The following LHCGR variants were observed in gnomAD, a reference collection of about 807,000 sequenced individuals.
LHCGR encodes lutropin-choriogonadotropic hormone receptor.
LHCGR carries 55 observed loss-of-function variants against 60.7 expected under a neutral mutation model. The ratio of observed to expected loss-of-function variants is 0.91; its 90% confidence interval spans 0.73 to 1.13. The LOEUF (loss-of-function observed/expected upper bound fraction) is 1.13. LHCGR is among the 50% of genes most tolerant of loss of function. The pLI, the probability that LHCGR is intolerant of heterozygous loss-of-function variation, is 0.00. For missense variants in LHCGR, 862 were observed against 836.0 expected (o/e 1.03, Z -0.38); for synonymous variants, 337 against 316.5 (o/e 1.06, Z -0.69).
rs532898776 is a variant in LHCGR at position 48,740,948 on chromosome 2, A to T, written c.162-9650T>A. On this transcript the variant is annotated intron_variant, in intron 1 of 10. Coordinates refer to ENST00000294954, the MANE Select transcript of LHCGR (RefSeq NM_000233.4). ...AAAGAAGTTGAAAACTTTGAAAAAA[A>T]TTTAGAAGAATGTATAACTAGAATA... 1.1e-4 allele frequency among the ~76,000 whole-genome samples: 17 copies of T among 152,292 alleles called. No homozygotes were observed. The South Asian group carries it at 3.5e-3, about 32-fold the overall frequency.
chr2:48,729,175 T>C lies in LHCGR; in HGVS notation c.286A>G (p.Asn96Asp). The change falls in exon 3 of 11, where the codon AAC (asparagine) becomes GAC (aspartate). Residue 96 changes from asparagine to aspartate, a missense_variant. Physicochemically the swap from Asn to Asp is conservative, Grantham distance 23. Coordinates refer to ENST00000294954, the MANE Select transcript of LHCGR (RefSeq NM_000233.4). ...LERIEANAFD[N>D]LLNLSEILIQ... ...TACATTTCAGACAAATTGAGGAGGTTGTCAAAGGCATTAGCTTCTATCCTT... is the reference window on the plus strand; with the variant it reads ...TACATTTCAGACAAATTGAGGAGGTCGTCAAAGGCATTAGCTTCTATCCTT... 1 of 1,611,992 alleles carries C rather than the reference T, an allele frequency of 6.2e-7. No homozygotes were observed. The highest frequency in any genetic ancestry group is 8.5e-7 in the Non-Finnish European group (1 of 1,178,604).
chr2:48,689,083 A>G (rs573319238), intron 10 of LHCGR, among the ~76,000 whole-genome samples: 2 of 151,888 alleles, frequency 1.3e-5, no homozygotes, highest in East Asian at 3.9e-4. Context: ...ACACATATAT[A>G]CACACATATA....
chr2:48,729,929 A>T (rs1177876713), intron 2 of LHCGR, among the ~76,000 whole-genome samples: 1 of 152,250 alleles, frequency 6.6e-6, no homozygotes, highest in Admixed American at 6.5e-5. Flanking sequence ...TGAATGCAGT[A>T]GTGAATAATT....
chr2:48,712,435 A>G (rs1025569850), intron 7 of LHCGR, among the ~76,000 whole-genome samples: 1 of 152,194 alleles, frequency 6.6e-6, no homozygotes, highest in Admixed American at 6.5e-5. Flanking sequence ...AGGAGATGAT[A>G]TAAATGCCTC....
At chr2:48,730,474 A>G (rs1243126245) in intron 2 of LHCGR, among the ~76,000 whole-genome samples, 1 of 152,200 alleles carries the variant, frequency 6.6e-6, no homozygotes, top group South Asian at 2.1e-4. Context: ...GAGGTTCCCA[A>G]AGGAGCTAAG....
intron 8 of LHCGR, among the ~76,000 whole-genome samples, chr2:48,704,226 C>G (rs1049536763): frequency 6.6e-5 from 10 of 152,086 alleles, no homozygotes; most frequent in African/African-American, 2.2e-4. Flanking sequence ...GCGTTGCATC[C>G]CAGGGATGAA....
intron 1 of LHCGR, among the ~76,000 whole-genome samples, chr2:48,749,580 A>T (rs758290132): frequency 6.6e-6 from 1 of 152,038 alleles, no homozygotes; most frequent in Non-Finnish European, 1.5e-5. Context: ...ACTCTGGGAG[A>T]TTATATTTTG....
chr2:48,723,018 A>C (rs1244460823), intron 6 of LHCGR, among the ~76,000 whole-genome samples: 1 of 152,164 alleles, frequency 6.6e-6, no homozygotes, highest in Non-Finnish European at 1.5e-5. Flanking sequence ...GGAAGGCGAA[A>C]ATGAGAGAGA....
At chr2:48,701,507 C>T (rs888539914) in intron 8 of LHCGR, among the ~76,000 whole-genome samples, 6 of 152,144 alleles carry the variant, frequency 3.9e-5, no homozygotes, top group Admixed American at 6.5e-5. Context: ...CAGATAATCA[C>T]GTAACTTGCT....
At chr2:48,729,020 C>T in intron 3 of LHCGR, 133 bp downstream of exon 3, 2 of 791,282 alleles carry the variant, frequency 2.5e-6, no homozygotes, top group South Asian at 1.4e-5. Flanking sequence ...AGTGCCTGCC[C>T]AGACCTAGTA....
intron 1 of LHCGR, among the ~76,000 whole-genome samples, chr2:48,747,421 C>T (rs991164090): frequency 6.6e-6 from 1 of 152,140 alleles, no homozygotes; most frequent in African/African-American, 2.4e-5. Context: ...AATTACTGGC[C>T]TGTGTGCCTT....
intron 7 of LHCGR, among the ~76,000 whole-genome samples, chr2:48,712,300 G>T (rs1038431065): frequency 7.9e-5 from 12 of 151,990 alleles, no homozygotes; most frequent in Non-Finnish European, 1.5e-5. Context: ...CTCCTGTAGG[G>T]CGACACTAGG....
intron 8 of LHCGR, among the ~76,000 whole-genome samples, chr2:48,707,386 AG>A: frequency 6.6e-6 from 1 of 152,154 alleles, no homozygotes; most frequent in East Asian, 1.9e-4. Flanking sequence ...GGACCCCTTG[AG>A]GAGGCAGTCT....
intron 9 of LHCGR, among the ~76,000 whole-genome samples, chr2:48,696,332 A>G (rs1374745764): frequency 6.6e-6 from 1 of 152,238 alleles, no homozygotes; most frequent in Non-Finnish European, 1.5e-5. Context: ...ACAGGCTCAG[A>G]AGGGACTACT....
intron 1 of LHCGR, among the ~76,000 whole-genome samples, chr2:48,746,818 T>A (rs1296300737): frequency 6.6e-6 from 1 of 152,194 alleles, no homozygotes; most frequent in East Asian, 1.9e-4. Context: ...AGCAATAATA[T>A]AACATGACAA....
At chr2:48,755,107 A>G (rs1406133735) in intron 1 of LHCGR, among the ~76,000 whole-genome samples, 3 of 151,980 alleles carry the variant, frequency 2.0e-5, no homozygotes, top group Admixed American at 2.0e-4. Flanking sequence ...CAGAGCTCAC[A>G]TTCACCTTCC....
In LHCGR at chr2:48,714,006, A is replaced by G. The variant is rs1282494554; in HGVS notation, c.585T>C (p.Asn195=). ...GFEEVQSHAF[N]GTTLTSLELK... ...CTTACAGTGAAGTCAGTGTCGTCCCATTGAATGCATGACTTTGTACTTCTT... is the reference window on the plus strand; with the variant it reads ...CTTACAGTGAAGTCAGTGTCGTCCCGTTGAATGCATGACTTTGTACTTCTT... Residue 195 remains asparagine (N), a synonymous_variant, in exon 7 of 11, where the codon AAT becomes AAC. Transcript: ENST00000294954. 4 of 1,612,154 alleles carry G rather than the reference A, an allele frequency of 2.5e-6. No individual in the cohort carries two copies. Among genetic ancestry groups the G allele is most frequent in the Non-Finnish European group, 3.4e-6 (4 of 1,178,388 alleles).
At chr2:48,720,597 T>A (rs1233329086) in intron 6 of LHCGR, 1 of 152,256 alleles carries the variant, frequency 6.6e-6, no homozygotes, top group Non-Finnish European at 1.5e-5. Context: ...AAACTCACTT[T>A]CCATTCCTTA....
In LHCGR at chr2:48,688,001, A is replaced by G. The variant is rs768528167; in HGVS notation, c.1796T>C (p.Ile599Thr). 1.9e-6 allele frequency: 3 copies of G among 1,614,208 alleles called. No homozygotes were observed. The highest frequency in any genetic ancestry group is 1.1e-5 in the South Asian group (1 of 91,088). The change falls in exon 11 of 11, where the codon ATC (isoleucine) becomes ACC (threonine). Residue 599 changes from isoleucine to threonine, a missense_variant. By Grantham distance (89) the Ile-to-Thr change is moderately conservative (BLOSUM62 -1). Transcript: ENST00000294954. This position sits in a 1 kb window ranked among gnomAD's most constrained non-coding sequence, Gnocchi z 5.2. ...TAAAACTTTAGAGTTGGTTACTGTGATAAGAGGTACTTTGAAGGCAGCTGA... is the reference window on the plus strand; with the variant it reads ...TAAAACTTTAGAGTTGGTTACTGTGGTAAGAGGTACTTTGAAGGCAGCTGA... ...AISAAFKVPLITVTNSKVLLV... is the reference protein window; with the variant it reads ...AISAAFKVPLTTVTNSKVLLV...
Sources: allele counts gnomAD v4.1 joint callset (sites outside exome capture counted in the v4.1 genomes callset), GRCh38; gene constraint gnomAD v4.1.1; non-coding constraint Gnocchi (gnomAD v3.1); transcripts MANE v1.5; gene names NCBI Gene and HGNC (gene_info 2026-07-23, HGNC 2026-07-21).